Variants in AADAT observed in about 807,000 individuals in gnomAD.
AADAT encodes the protein aminoadipate aminotransferase, also known as kynurenine/alpha-aminoadipate aminotransferase, mitochondrial.
Under a neutral mutation model 56.2 loss-of-function variants are expected in AADAT, and 25 were observed. The ratio of observed to expected loss-of-function variants is 0.44; its 90% confidence interval spans 0.32 to 0.62. AADAT has a LOEUF of 0.62. Ranked by LOEUF, AADAT falls within the 20% of genes least tolerant of loss-of-function variation. The pLI is 0.04. For missense variants in AADAT, 387 were observed against 510.5 expected, an observed-to-expected ratio of 0.76 and a Z score of 2.33; for synonymous variants, 173 against 164.7, an observed-to-expected ratio of 1.05 and a Z score of -0.39.
chr4:170,071,770 G>A (rs567380991), intron 5 of AADAT, among the ~76,000 whole-genome samples: 17 of 152,172 alleles, frequency 1.1e-4, no homozygotes, highest in Non-Finnish European at 1.5e-4. Context: ...GATGGGGACA[G>A]TGATGACAAC....
chr4:170,090,553 T>A (rs1732783287), upstream of AADAT: 1 of 152,184 alleles, frequency 6.6e-6, no homozygotes, highest in South Asian at 2.1e-4. Flanking sequence ...TTTTGAAAAA[T>A]CACTCTGAGT....
intron 11 of AADAT, among the ~76,000 whole-genome samples, chr4:170,064,428 T>C (rs1731346554): frequency 6.6e-6 from 1 of 152,208 alleles, no homozygotes; most frequent in Admixed American, 6.5e-5. Flanking sequence ...TAAGGGGTGG[T>C]GCTGGGATTC....
chr4:170,072,255 ATACATGTATATATATGTGTGTGTG>A (rs1731806845), intron 5 of AADAT, among the ~76,000 whole-genome samples: 1 of 130,484 alleles, frequency 7.7e-6, no homozygotes, highest in African/African-American at 2.7e-5. Context: ...GTTTATATAG[ATACATGTATATATATGTGTGTGTG>A]TGTATATATA....
chr4:170,061,805 G>T, intron 12 of AADAT, 87 bp downstream of exon 12: 1 of 897,424 alleles, frequency 1.1e-6, no homozygotes, highest in Non-Finnish European at 1.6e-6. Context: ...CAGATATTAA[G>T]TAATATTCTA....
intron 1 of AADAT, 86 bp downstream of exon 1, chr4:170,089,538 A>G: frequency 2.7e-6 from 4 of 1,504,364 alleles, no homozygotes; most frequent in Non-Finnish European, 1.8e-6. Context: ...GGATGCAACC[A>G]AGCGGTGGCT....
chr4:170,061,963 C>T lies in AADAT; in HGVS notation c.1165G>A (p.Val389Ile), dbSNP rs767495658. The T allele has an allele frequency of 1.6e-5, 25 of 1,612,524 alleles. No individual in the cohort carries two copies. The highest frequency in any genetic ancestry group is 5.0e-5 in the Admixed American group (3 of 59,920). ...VLMLPGNAFY[V>I]DSSAPSPYLR... ...TAAGGGCTAGGAGCTGAGCTATCGACGTAGAAAGCATTTCCAGGGAGCATT... is the reference window on the plus strand; with the variant it reads ...TAAGGGCTAGGAGCTGAGCTATCGATGTAGAAAGCATTTCCAGGGAGCATT... The change falls in exon 12 of 13, where the codon GTC becomes ATC. Residue 389 changes from valine to isoleucine, a missense_variant. Val to Ile is a conservative substitution (Grantham distance 29). Coordinates refer to ENST00000337664, the MANE Select transcript of AADAT (RefSeq NM_016228.4).
At chr4:170,068,476 A>C in intron 8 of AADAT, 115 bp downstream of exon 8, 1 of 687,436 alleles carries the variant, frequency 1.5e-6, no homozygotes, top group Non-Finnish European at 2.4e-6. Flanking sequence ...TCTGCAAAGA[A>C]GGCAAACTAT....
rs980516740 is a variant in AADAT at position 170,060,785 on chromosome 4, G to A, written c.*143C>T. 2.0e-5 allele frequency: 10 copies of A among 503,880 alleles called. No homozygotes were observed. In the Admixed American group the frequency reaches 3.7e-4, roughly 19 times the overall value. 31.2% of individuals were successfully genotyped at this position (503,880 alleles called of 1,614,324 possible). A position where few individuals can be genotyped will look rare whatever the true frequency, so the allele number is the denominator to read the frequency against. ...GTCTTGTTCTGCCATGCAGGCCAGA[G>A]TGCATGCAGGCCAGAGTGCAGTGGT... is the stretch of plus-strand genomic sequence containing the variant. On this transcript the variant is annotated 3_prime_UTR_variant, in exon 13 of 13. Coordinates refer to ENST00000337664, the MANE Select transcript of AADAT (RefSeq NM_016228.4).
chr4:170,088,646 A>C (rs534383898), intron 1 of AADAT, 82 bp from the exon 2 acceptor site: 1 of 1,400,862 alleles, frequency 7.1e-7, no homozygotes, highest in African/African-American at 1.4e-5. Flanking sequence ...ATAGTCAATA[A>C]AACTATAAAG....
At chr4:170,082,254 A>G (rs1732354116) in intron 3 of AADAT, among the ~76,000 whole-genome samples, 1 of 152,224 alleles carries the variant, frequency 6.6e-6, no homozygotes, top group Admixed American at 6.5e-5. Flanking sequence ...ATCTCAAGCC[A>G]AAATGTGGGG....
At chr4:170,074,102 C>T (rs1056074445) in intron 4 of AADAT, among the ~76,000 whole-genome samples, 6 of 152,242 alleles carry the variant, frequency 3.9e-5, no homozygotes, top group South Asian at 2.1e-4. Context: ...GGATATGGAA[C>T]GTAAGGGAAA....
At position 170,089,758 on chromosome 4, in the gene AADAT, G is replaced by C. The variant is rs1315603799; in HGVS notation, c.-68C>G. 3.3e-6 allele frequency: 5 copies of C among 1,522,422 alleles called. No homozygotes were observed. The highest frequency in any genetic ancestry group is 4.5e-6 in the Non-Finnish European group (5 of 1,102,120). 94.3% of individuals were successfully genotyped at this position (1,522,422 alleles called of 1,614,324 possible). On this transcript the variant is annotated 5_prime_UTR_variant, in exon 1 of 13. Transcript: ENST00000337664. ...AGGACTAGAAAAACCAAAGAGCCTC[G>C]TCAAGTCCTGCCTGCTAACTCCTCA...
chr4:170,091,018 T>C (rs192248107), upstream of AADAT, among the ~76,000 whole-genome samples: 701 of 152,368 alleles, frequency 4.6e-3, 27 homozygotes, highest in Admixed American at 0.042. Flanking sequence ...AAAATCTTTG[T>C]GCTAGCAGCT....
chr4:170,061,406 T>C (rs1384855411), intron 12 of AADAT, among the ~76,000 whole-genome samples: 3 of 152,206 alleles, frequency 2.0e-5, no homozygotes, highest in Non-Finnish European at 2.9e-5. Flanking sequence ...AGGATAAATA[T>C]AAACTCTTCT....
At chr4:170,092,202 T>C (rs1732875226), upstream of AADAT, among the ~76,000 whole-genome samples, 1 of 152,258 alleles carries the variant, frequency 6.6e-6, no homozygotes. Flanking sequence ...GTGTGGTGGT[T>C]TTGTTTTCTC....
At chr4:170,076,077 C>A (rs535282084) in intron 4 of AADAT, among the ~76,000 whole-genome samples, 1 of 152,144 alleles carries the variant, frequency 6.6e-6, no homozygotes, top group South Asian at 2.1e-4. Context: ...CTGTTTGAGT[C>A]CCAGTTTTCA....
At chr4:170,066,797 A>G (rs1281729162) in intron 9 of AADAT, among the ~76,000 whole-genome samples, 2 of 152,202 alleles carry the variant, frequency 1.3e-5, no homozygotes, top group Non-Finnish European at 2.9e-5. Flanking sequence ...CACTCAGGAT[A>G]AAAGACAATA....
rs571624722 is a variant in AADAT, at chr4:170,069,026, T to C, written c.803+122A>G. On this transcript the variant is annotated intron_variant, in intron 7 of 12. Transcript: ENST00000337664. ...GTGTTAATATTAATCATGAAACTGG[T>C]ATTTTAAGACAAGTAGACTACAAGC... is the stretch of plus-strand genomic sequence containing the variant. The C allele has an allele frequency of 5.3e-6, 4 of 754,010 alleles. No homozygotes were observed. The African/African-American group carries it at 7.2e-5, about 14-fold the overall frequency. 46.7% of individuals were successfully genotyped at this position (754,010 alleles called of 1,614,324 possible). A position where few individuals can be genotyped will look rare whatever the true frequency, so the allele number is the denominator to read the frequency against.
At chr4:170,080,880 G>A (rs1441211147) in intron 3 of AADAT, among the ~76,000 whole-genome samples, 1 of 152,042 alleles carries the variant, frequency 6.6e-6, no homozygotes, top group African/African-American at 2.4e-5. Flanking sequence ...ATCCTTTAAT[G>A]CAAAAAACTG....
Sources: gnomAD v4.1 joint callset for allele counts (sites outside exome capture counted in the v4.1 genomes callset) on GRCh38, gnomAD v4.1.1 for gene constraint, MANE v1.5 for transcripts, NCBI Gene and HGNC (gene_info 2026-07-23, HGNC 2026-07-21) for gene names.